The following TRIM37 variants were observed in gnomAD, a reference collection of about 807,000 sequenced individuals.
TRIM37 encodes E3 ubiquitin-protein ligase TRIM37.
A neutral mutation model predicts 129.8 loss-of-function variants in TRIM37; 80 were observed. The ratio of observed to expected loss-of-function variants is 0.62; its 90% confidence interval spans 0.51 to 0.74. The LOEUF is 0.74. TRIM37 is among the 30% of genes least tolerant of loss of function. TRIM37 has a pLI of 0.00. For missense variants in TRIM37, 1,054 were observed against 1,176.5 expected (o/e 0.90, Z 1.52); for synonymous variants, 389 against 387.1 (o/e 1.00, Z -0.06).
chr17:59,083,229 A>G (rs937708272), intron 5 of TRIM37, among the ~76,000 whole-genome samples: 2 of 152,302 alleles, frequency 1.3e-5, no homozygotes, highest in Non-Finnish European at 1.5e-5. Context: ...TGAGGTCAGC[A>G]GTTCAAGACC....
intron 13 of TRIM37, among the ~76,000 whole-genome samples, chr17:59,053,989 T>A (rs1421516572): frequency 6.6e-6 from 1 of 152,122 alleles, no homozygotes; most frequent in Non-Finnish European, 1.5e-5. Flanking sequence ...GAAAATCATA[T>A]CCCTTGTTAA....
chr17:59,106,335 G>A (rs187053495), intron 1 of TRIM37, 106 bp downstream of exon 1: 6 of 1,339,656 alleles, frequency 4.5e-6, no homozygotes, highest in Admixed American at 1.9e-5. Context: ...GGCAGGGGCG[G>A]GGTAGGGGTG....
At chr17:59,011,446 T>C (rs1168162864) in intron 22 of TRIM37, among the ~76,000 whole-genome samples, 2 of 152,210 alleles carry the variant, frequency 1.3e-5, no homozygotes, top group South Asian at 4.1e-4. Context: ...CTGGCACCTG[T>C]ATGTATGCTT....
Position 59,081,338 on chromosome 17 carries a change from T to C in TRIM37, c.370-119A>G, listed in dbSNP as rs988445849. ...AATCTCTCAAATGAACTTTACCTTA[T>C]TAGCTAATTTAATTTTGTTGAAGCA... On this transcript the variant is annotated intron_variant, in intron 5 of 23. Transcript: ENST00000262294. 20 of 1,413,394 alleles carry C rather than the reference T, an allele frequency of 1.4e-5. 1 individual carries two copies. The highest frequency in any genetic ancestry group is 7.3e-5 in the East Asian group (3 of 41,144). The allele number at this position is 1,413,394 out of a possible 1,614,324, so 87.6% of individuals were successfully genotyped here.
chr17:59,100,946 C>A (rs1405416968), intron 2 of TRIM37, among the ~76,000 whole-genome samples: 1 of 149,916 alleles, frequency 6.7e-6, no homozygotes, highest in African/African-American at 2.5e-5. Context: ...CACTCGAACC[C>A]AGGAGATGGA....
chr17:59,106,809 A>T lies in TRIM37; in HGVS notation c.-348T>A. ...AACTGACGGTGGAGTTCAGCGAAGA[A>T]GGTGCCGCAGAGAATTCGCAAACAC... On this transcript the variant is annotated 5_prime_UTR_variant, in exon 1 of 24. Transcript: ENST00000262294. 1 of 486,816 alleles carries T rather than the reference A, an allele frequency of 2.1e-6. No homozygotes were observed. The highest frequency in any genetic ancestry group is 3.7e-6 in the Non-Finnish European group (1 of 270,226). 30.2% of individuals were successfully genotyped at this position (486,816 alleles called of 1,614,324 possible).
chr17:58,998,748 T>A lies in TRIM37; in HGVS notation c.*629A>T, dbSNP rs2033284703. On this transcript the variant is annotated 3_prime_UTR_variant, in exon 24 of 24. Transcript: ENST00000262294. ...AACTTAATTTCATTTAAAATTACAT[T>A]TGTAGAAGTCACACAACAGAAAGAT... The A allele has an allele frequency of 1.0e-6, 1 of 985,602 alleles. No homozygotes were observed. 61.1% of individuals were successfully genotyped at this position (985,602 alleles called of 1,614,324 possible).
At chr17:58,993,875 G>T (rs1252698277), downstream of TRIM37, among the ~76,000 whole-genome samples, 1 of 151,956 alleles carries the variant, frequency 6.6e-6, no homozygotes, top group Non-Finnish European at 1.5e-5. Context: ...CACAATGAAG[G>T]GATTTTGTGA....
intron 17 of TRIM37, 52 bp from the exon 18 acceptor site, chr17:59,032,142 T>C: frequency 9.6e-6 from 15 of 1,567,920 alleles, no homozygotes; most frequent in Non-Finnish European, 1.3e-5. Context: ...TTAGCTATAC[T>C]TAAATGAAAA....
At position 59,060,929 on chromosome 17, in the gene TRIM37, G is replaced by A. The variant is rs1283222762; in HGVS notation, c.1019+103C>T. On this transcript the variant is annotated intron_variant, in intron 12 of 23. Transcript: ENST00000262294. ...GAACATATTATTCTACATCTTAACAGACATACCAATACAGTAATTAACAAA... is the reference window on the plus strand; with the variant it reads ...GAACATATTATTCTACATCTTAACAAACATACCAATACAGTAATTAACAAA... 8.9e-6 allele frequency: 7 copies of A among 788,618 alleles called. No homozygotes were observed. The East Asian group carries it at 1.9e-4, about 21-fold the overall frequency. 48.9% of individuals were successfully genotyped at this position (788,618 alleles called of 1,614,324 possible). A position where few individuals can be genotyped will look rare whatever the true frequency, so the allele number is the denominator to read the frequency against.
At chr17:58,981,032 T>C (rs1191160429), downstream of TRIM37, 1 of 1,576,258 alleles carries the variant, frequency 6.3e-7, no homozygotes, top group East Asian at 2.2e-5. Flanking sequence ...AATAGAATAA[T>C]TTTTCTTTCA....
intron 18 of TRIM37, among the ~76,000 whole-genome samples, chr17:59,029,273 A>T (rs1180223465): frequency 2.0e-5 from 3 of 152,076 alleles, no homozygotes; most frequent in South Asian, 4.1e-4. Context: ...ACAAAAAAAA[A>T]TTTTTTTATT....
intron 22 of TRIM37, among the ~76,000 whole-genome samples, chr17:59,004,259 A>C (rs2034175788): frequency 6.6e-6 from 1 of 152,214 alleles, no homozygotes; most frequent in Non-Finnish European, 1.5e-5. Flanking sequence ...GAATTATAAA[A>C]AACATTCTGA....
intron 7 of TRIM37, among the ~76,000 whole-genome samples, chr17:59,078,880 T>C (rs2146994123): frequency 6.6e-6 from 1 of 152,244 alleles, no homozygotes. Context: ...AAAAATCAGA[T>C]ATTAAATAGT....
At chr17:59,092,036 T>C (rs1789390251) in intron 2 of TRIM37, among the ~76,000 whole-genome samples, 1 of 151,660 alleles carries the variant, frequency 6.6e-6, no homozygotes, top group Non-Finnish European at 1.5e-5. Flanking sequence ...ACATACATTA[T>C]AGACATGTAA....
rs763777489 is a variant in TRIM37, at chr17:59,028,614, T to G, written c.2058A>C (p.Arg686=). The stretch of plus-strand genomic sequence containing the variant: ...TATTCTTTACATCAGTTTTCATACA[T>G]CGAACTTCGGCCATTTGAGTTTTGA... ...KRLKTQMAEV[R]CMKTDVKNTL... is the part of the protein sequence containing the mutation. Residue 686 remains arginine, a synonymous_variant, in exon 19 of 24, where the codon CGA becomes CGC. Transcript: ENST00000262294. 1 of 1,614,232 alleles carries G rather than the reference T, an allele frequency of 6.2e-7. No homozygotes were observed. The highest frequency in any genetic ancestry group is 8.5e-7 in the Non-Finnish European group (1 of 1,180,030).
the TRIM37 span, among the ~76,000 whole-genome samples, chr17:58,973,989 C>T: frequency 7.1e-6 from 1 of 139,972 alleles, no homozygotes; most frequent in African/African-American, 2.7e-5. Flanking sequence ...AATTGCTGGG[C>T]GTAGTGGCTT....
downstream of TRIM37, chr17:58,981,616 C>T (rs895929814): frequency 6.6e-6 from 1 of 152,540 alleles, no homozygotes; most frequent in Non-Finnish European, 1.5e-5. Context: ...TATTCTCAGA[C>T]TTGTGAGGCG....
At chr17:59,099,812 T>C (rs2147545996) in intron 2 of TRIM37, among the ~76,000 whole-genome samples, 1 of 152,342 alleles carries the variant, frequency 6.6e-6, no homozygotes, top group Non-Finnish European at 1.5e-5. Context: ...TTTCCTTTTT[T>C]TTCTTTTTGA....
Sources: allele counts gnomAD v4.1 joint callset (sites outside exome capture counted in the v4.1 genomes callset), GRCh38; gene constraint gnomAD v4.1.1; transcripts MANE v1.5; gene names NCBI Gene and HGNC (gene_info 2026-07-23, HGNC 2026-07-21).